The following ALDH18A1 variants were observed in gnomAD, a reference collection of about 807,000 sequenced individuals.
The protein encoded by ALDH18A1 is aldehyde dehydrogenase 18 family member A1, also known as delta-1-pyrroline-5-carboxylate synthase.
In ALDH18A1, 44 loss-of-function variants were observed where a neutral mutation model predicts 88.8. The ratio of observed to expected loss-of-function variants is 0.50; its 90% confidence interval spans 0.39 to 0.64. The LOEUF (loss-of-function observed/expected upper bound fraction) is 0.64, where lower values mean the gene tolerates loss of function less well. Ranked by LOEUF, ALDH18A1 falls within the 30% of genes least tolerant of loss-of-function variation. The probability of loss-of-function intolerance (pLI) is 0.00; values close to 1 mark genes in which losing one functional copy is unlikely to be tolerated. For missense variants in ALDH18A1, 782 were observed against 1,009.5 expected, an observed-to-expected ratio of 0.77 and a Z score of 3.05; for synonymous variants, 331 against 372.1, an observed-to-expected ratio of 0.89 and a Z score of 1.27.
intron 12 of ALDH18A1, among the ~76,000 whole-genome samples, chr10:95,619,524 CT>C (rs1212170031): frequency 1.3e-5 from 2 of 152,172 alleles, no homozygotes; most frequent in African/African-American, 4.8e-5. Context: ...ATCATGCTAC[CT>C]GACTTCAAAC....
intron 6 of ALDH18A1, 102 bp downstream of exon 6, chr10:95,633,389 C>A: frequency 6.9e-7 from 1 of 1,458,870 alleles, no homozygotes; most frequent in Non-Finnish European, 9.4e-7. Context: ...TCTCTCACAA[C>A]TTTTCCATCT....
At position 95,637,100 on chromosome 10, in the gene ALDH18A1, G is replaced by A. The variant is rs201428777; in HGVS notation, c.551C>T (p.Ala184Val). 46 of 1,614,072 alleles carry A rather than the reference G, an allele frequency of 2.8e-5. No individual in the cohort carries two copies. In the Admixed American group the frequency reaches 3.0e-4, roughly 11 times the overall value. ...CAAAGCCCAGCCTCTCACCTGGGCA[G>A]CACAGATGCTGTACTGGGTAAACAT... Reference protein sequence around the residue: ...EAMFTQYSICAAQILVTNLDF... With the variant: ...EAMFTQYSICVAQILVTNLDF... The change falls in exon 5 of 18, where the codon GCT becomes GTT. Residue 184 changes from alanine (A) to valine (V), a missense_variant. Ala to Val is a moderately conservative substitution (Grantham distance 64). Around this residue, in one of 3 missense-constraint regions of ALDH18A1, gnomAD observed 132 missense variants for 255.5 expected, o/e 0.52. Transcript: ENST00000371224.
At chr10:95,627,365 A>G (rs2097861909) in intron 9 of ALDH18A1, 77 bp downstream of exon 9, 2 of 1,558,378 alleles carry the variant, frequency 1.3e-6, no homozygotes, top group Middle Eastern at 1.7e-4. Context: ...TTAGCATATC[A>G]ATTTTGTGAT....
intron 12 of ALDH18A1, among the ~76,000 whole-genome samples, chr10:95,620,752 G>C (rs1359870337): frequency 3.6e-5 from 5 of 139,908 alleles, no homozygotes; most frequent in African/African-American, 2.6e-5. Context: ...AGAACACTTG[G>C]ACACAGGGTG....
At chr10:95,646,319 G>A (rs1341559229) in intron 2 of ALDH18A1, among the ~76,000 whole-genome samples, 2 of 152,192 alleles carry the variant, frequency 1.3e-5, no homozygotes, top group African/African-American at 2.4e-5. Context: ...TAGCATGAAG[G>A]AGGCTAACCC....
At chr10:95,619,439 T>C (rs1341699206) in intron 12 of ALDH18A1, among the ~76,000 whole-genome samples, 1 of 152,164 alleles carries the variant, frequency 6.6e-6, no homozygotes, top group Non-Finnish European at 1.5e-5. Context: ...AAAAACTACT[T>C]TAAAGTTCAT....
intron 1 of ALDH18A1, among the ~76,000 whole-genome samples, chr10:95,656,027 GC>G (rs1191134900): frequency 8.5e-5 from 13 of 152,232 alleles, no homozygotes; most frequent in Admixed American, 2.6e-4. Flanking sequence ...GGTGCGTCCT[GC>G]TGTAACAGGA....
At chr10:95,645,378 A>G (rs1172988458) in intron 2 of ALDH18A1, among the ~76,000 whole-genome samples, 3 of 152,164 alleles carry the variant, frequency 2.0e-5, no homozygotes, top group African/African-American at 7.2e-5. Flanking sequence ...TTGAACCACT[A>G]TCACTTCCCT....
intron 3 of ALDH18A1, among the ~76,000 whole-genome samples, chr10:95,638,199 T>C (rs1209640399): frequency 6.6e-6 from 1 of 152,016 alleles, no homozygotes. Context: ...TTTTAACACA[T>C]TTTTGTAGAA....
chr10:95,640,222 C>T (rs561019745), intron 3 of ALDH18A1, among the ~76,000 whole-genome samples: 2 of 131,760 alleles, frequency 1.5e-5, no homozygotes, highest in African/African-American at 5.8e-5. Context: ...CTTTACTCAT[C>T]CATTTTCAAT....
chr10:95,637,382 C>T lies in ALDH18A1; in HGVS notation c.358G>A (p.Val120Ile). 1 of 1,614,200 alleles carries T rather than the reference C, an allele frequency of 6.2e-7. No homozygotes were observed. Among genetic ancestry groups the T allele is most frequent in the Non-Finnish European group, 8.5e-7 (1 of 1,180,036 alleles). The change falls in exon 4 of 18, where the codon GTA becomes ATA. Residue 120 changes from valine to isoleucine, a missense_variant. Physicochemically the swap from Val to Ile is conservative, Grantham distance 29. This residue lies in a region of ALDH18A1 where 132 missense variants were observed against 255.5 expected (regional missense o/e 0.52). Transcript: ENST00000371224. Reference sequence around the variant, plus strand: ...CGCAAGCGTTGTTTGCCAAAGGCTACGGCTCCACTGGTCACCAGCATCATC... The same window carrying T: ...CGCAAGCGTTGTTTGCCAAAGGCTATGGCTCCACTGGTCACCAGCATCATC... Reference protein sequence around the residue: ...REMMLVTSGAVAFGKQRLRHE... With the variant: ...REMMLVTSGAIAFGKQRLRHE...
At chr10:95,651,978 T>A (rs983983922) in intron 2 of ALDH18A1, among the ~76,000 whole-genome samples, 1 of 152,206 alleles carries the variant, frequency 6.6e-6, no homozygotes, top group South Asian at 2.1e-4. Flanking sequence ...ACAACCCAGA[T>A]GTCCTTTAAT....
intron 3 of ALDH18A1, 90 bp from the exon 4 acceptor site, chr10:95,637,526 G>C: frequency 6.7e-7 from 1 of 1,492,322 alleles, no homozygotes; most frequent in Non-Finnish European, 9.2e-7. Flanking sequence ...GGGCTATCGA[G>C]TAGATCCCAA....
At chr10:95,647,732 C>A (rs948685698) in intron 2 of ALDH18A1, among the ~76,000 whole-genome samples, 1 of 152,236 alleles carries the variant, frequency 6.6e-6, no homozygotes, top group African/African-American at 2.4e-5. Flanking sequence ...TGGGTTACCC[C>A]ACTCAGTCTA....
intron 1 of ALDH18A1, among the ~76,000 whole-genome samples, chr10:95,653,985 T>C (rs549987860): frequency 6.6e-6 from 1 of 152,246 alleles, no homozygotes; most frequent in South Asian, 2.1e-4. Context: ...CTGGCTAACA[T>C]CTTAATCCTG....
chr10:95,654,570 A>G (rs2097915084), intron 1 of ALDH18A1, among the ~76,000 whole-genome samples: 1 of 151,942 alleles, frequency 6.6e-6, no homozygotes, highest in South Asian at 2.1e-4. Context: ...GTGCCTCAGA[A>G]GACTAGCATT....
At chr10:95,616,335 T>C in intron 13 of ALDH18A1, 142 bp downstream of exon 13, 1 of 1,196,582 alleles carries the variant, frequency 8.4e-7, no homozygotes, top group South Asian at 1.4e-5. Context: ...TGGCCTAAAG[T>C]CTGAAGGCTC....
intron 17 of ALDH18A1, among the ~76,000 whole-genome samples, chr10:95,607,355 T>C (rs2097824686): frequency 6.6e-6 from 1 of 152,170 alleles, no homozygotes; most frequent in Non-Finnish European, 1.5e-5. Flanking sequence ...GAAAGGGACA[T>C]GTTTGTGGTA....
At chr10:95,647,409 T>C (rs554717820) in intron 2 of ALDH18A1, among the ~76,000 whole-genome samples, 2 of 152,160 alleles carry the variant, frequency 1.3e-5, no homozygotes, top group Admixed American at 6.5e-5. Flanking sequence ...TGAACAGAGA[T>C]TGGCACAAAA....
Sources: allele counts gnomAD v4.1 joint callset (sites outside exome capture counted in the v4.1 genomes callset), GRCh38; gene constraint gnomAD v4.1.1; regional missense constraint gnomAD v4.1.1; transcripts MANE v1.5; gene names NCBI Gene and HGNC (gene_info 2026-07-23, HGNC 2026-07-21).